ZNF721: variants seen among roughly 807,000 people sequenced by gnomAD.
ZNF721 encodes the protein zinc finger protein 721.
A neutral mutation model predicts 2.4 loss-of-function variants in ZNF721; 2 were observed. The observed-to-expected ratio is 0.82, with a 90% CI of 0.34 to 2.58. The LOEUF is 2.58. Ranked by LOEUF, ZNF721 falls within the 30% of genes most tolerant of loss-of-function variation. The pLI is 0.11. For missense variants in ZNF721, 1,187 were observed against 1,085.5 expected (o/e 1.09, Z -1.31); for synonymous variants, 398 against 381.8 (o/e 1.04, Z -0.50).
At position 443,484 on chromosome 4, in the gene ZNF721, G is replaced by A. The variant is rs1553863654; in HGVS notation, c.983C>T (p.Thr328Ile). The A allele has an allele frequency of 1.9e-6, 3 of 1,613,892 alleles. No homozygotes were observed. The highest frequency in any genetic ancestry group is 3.3e-5 in the Admixed American group (2 of 60,026). ...ANLYVHRRIH[T>I]GEKPYTCGEC... ...TCCACATGTGTAGGGTTTCTCTCCA[G>A]TATGAATTCTCCTATGTACATAAAG... The change falls in exon 3 of 3, where the codon ACT (threonine) becomes ATT (isoleucine). Residue 328 changes from threonine (T) to isoleucine (I), a missense_variant. Physicochemically the swap from Thr to Ile is moderately conservative, Grantham distance 89 (BLOSUM62 -1). Transcript: ENST00000511833.
At chr4:475,445 C>G (rs1182708959) in intron 1 of ZNF721, among the ~76,000 whole-genome samples, 1 of 152,092 alleles carries the variant, frequency 6.6e-6, no homozygotes, top group Admixed American at 6.5e-5. Flanking sequence ...CTCTCTAATA[C>G]TCATTGTGTT....
intron 1 of ZNF721, chr4:474,180 C>A: frequency 2.1e-6 from 1 of 484,098 alleles, no homozygotes; most frequent in Non-Finnish European, 3.6e-6. Context: ...GCCGCCCCCT[C>A]CTCTCAGACT....
At chr4:489,522 G>A (rs1409002430) in intron 1 of ZNF721, among the ~76,000 whole-genome samples, 2 of 152,170 alleles carry the variant, frequency 1.3e-5, no homozygotes, top group Non-Finnish European at 2.9e-5. Flanking sequence ...TGGTCTTCAC[G>A]TGGACACTCT....
intron 1 of ZNF721, among the ~76,000 whole-genome samples, 184 bp from the exon 2 acceptor site, chr4:472,885 T>C (rs782506024): frequency 1.3e-4 from 20 of 151,990 alleles, no homozygotes; most frequent in Non-Finnish European, 1.8e-4. Context: ...ACAGTTTCTG[T>C]TCCTGCAATA....
At chr4:465,278 T>C (rs897138977) in intron 2 of ZNF721, among the ~76,000 whole-genome samples, 2 of 152,032 alleles carry the variant, frequency 1.3e-5, no homozygotes, top group East Asian at 1.9e-4. Context: ...TCCCAGCTAC[T>C]TGGGAGGCTG....
intron 1 of ZNF721, among the ~76,000 whole-genome samples, chr4:477,497 C>A (rs1471054825): frequency 1.3e-5 from 2 of 152,068 alleles, no homozygotes; most frequent in Non-Finnish European, 2.9e-5. Context: ...CTCGGCCTCC[C>A]AAAGTGCTGG....
At chr4:463,792 G>T (rs1443992599) in intron 2 of ZNF721, among the ~76,000 whole-genome samples, 1 of 152,112 alleles carries the variant, frequency 6.6e-6, no homozygotes, top group Non-Finnish European at 1.5e-5. Context: ...AGCATTAGGA[G>T]AAATACCTAA....
chr4:465,421 GGCTTTTGTTT>G (rs1553866618), intron 2 of ZNF721, among the ~76,000 whole-genome samples: 1 of 145,754 alleles, frequency 6.9e-6, no homozygotes, highest in Non-Finnish European at 1.5e-5. Flanking sequence ...TCTTAAGCTA[GGCTTTTGTTT>G]TTTGTTTTTT....
chr4:490,060 A>T (rs577013030), intron 1 of ZNF721, among the ~76,000 whole-genome samples: 3 of 151,934 alleles, frequency 2.0e-5, no homozygotes, highest in Admixed American at 1.3e-4. Flanking sequence ...AGGTTTCACC[A>T]TGTTGGCCAG....
At chr4:466,678 AG>A (rs1715264229) in intron 2 of ZNF721, among the ~76,000 whole-genome samples, 1 of 152,200 alleles carries the variant, frequency 6.6e-6, no homozygotes, top group Non-Finnish European at 1.5e-5. Flanking sequence ...AAAAAAACAA[AG>A]AAAGAAAGTG....
rs782478719 is a variant in ZNF721 at position 444,029 on chromosome 4, A to G, written c.438T>C (p.Phe146=). 6.2e-6 allele frequency: 10 copies of G among 1,613,776 alleles called. No individual in the cohort carries two copies. Among genetic ancestry groups the G allele is most frequent in the South Asian group, 3.3e-5 (3 of 91,068 alleles). The change falls in exon 3 of 3, where the codon TTT becomes TTC. Residue 146 remains phenylalanine (F), a synonymous_variant. Coordinates refer to ENST00000511833, the MANE Select transcript of ZNF721 (RefSeq NM_133474.4). ...PYTCEERGKD[F]GWYTDLNQHK... The stretch of plus-strand genomic sequence containing the variant: ...GTTGATTCAGGTCTGTGTACCATCC[A>G]AAGTCTTTGCCACGTTCTTCACAAG...
chr4:446,025 G>C (rs576836029), intron 2 of ZNF721, among the ~76,000 whole-genome samples: 1 of 151,998 alleles, frequency 6.6e-6, no homozygotes, highest in Non-Finnish European at 1.5e-5. Context: ...TAAAAATGAA[G>C]AAAAAGTAAA....
intron 2 of ZNF721, among the ~76,000 whole-genome samples, chr4:455,107 G>A (rs910180864): frequency 6.6e-6 from 1 of 152,146 alleles, no homozygotes; most frequent in Non-Finnish European, 1.5e-5. Flanking sequence ...GTAAATATAT[G>A]TATCTCTTTT....
At chr4:466,781 C>A (rs782660346) in intron 2 of ZNF721, among the ~76,000 whole-genome samples, 5 of 152,192 alleles carry the variant, frequency 3.3e-5, no homozygotes, top group Non-Finnish European at 5.9e-5. Flanking sequence ...ATAATCCAGT[C>A]ACCTCCCACC....
chr4:461,939 AT>A (rs1159300367), intron 2 of ZNF721, among the ~76,000 whole-genome samples: 2 of 152,214 alleles, frequency 1.3e-5, no homozygotes, highest in African/African-American at 4.8e-5. Context: ...AAGAAAGGGT[AT>A]TCAAATAGGA....
At chr4:466,081 C>G (rs1247481962) in intron 2 of ZNF721, among the ~76,000 whole-genome samples, 1 of 151,086 alleles carries the variant, frequency 6.6e-6, no homozygotes, top group Admixed American at 6.6e-5. Context: ...ACTGCAACCT[C>G]CACCTCCAGG....
chr4:475,493 C>T (rs1274866869), intron 1 of ZNF721, among the ~76,000 whole-genome samples: 1 of 152,124 alleles, frequency 6.6e-6, no homozygotes, highest in Non-Finnish European at 1.5e-5. Context: ...TCACTTTGGT[C>T]CTAATCTACT....
chr4:493,781 A>T (rs928768587), intron 1 of ZNF721, among the ~76,000 whole-genome samples: 2 of 152,192 alleles, frequency 1.3e-5, no homozygotes, highest in East Asian at 3.9e-4. Context: ...TAAAACTTAC[A>T]CAGGCAAAGA....
chr4:464,808 G>A (rs961246166), intron 2 of ZNF721, among the ~76,000 whole-genome samples: 19 of 151,972 alleles, frequency 1.3e-4, no homozygotes, highest in East Asian at 5.8e-4. Flanking sequence ...GGCTGGGCGC[G>A]GTGGCTCACG....
Sources: gnomAD v4.1 joint callset for allele counts (sites outside exome capture counted in the v4.1 genomes callset) on GRCh38, gnomAD v4.1.1 for gene constraint, MANE v1.5 for transcripts, NCBI Gene and HGNC (gene_info 2026-07-23, HGNC 2026-07-21) for gene names.